SIAE: variants seen among roughly 807,000 people sequenced by gnomAD.
The protein encoded by SIAE is sialate O-acetylesterase.
A neutral mutation model predicts 52.6 loss-of-function variants in SIAE; 39 were observed. That is an observed-to-expected ratio of 0.74 (90% CI 0.57 to 0.97). SIAE has a LOEUF of 0.97. Among genes scored for constraint, SIAE ranks in the 50% least tolerant of loss-of-function variants. SIAE has a pLI of 0.00. For synonymous variants in SIAE, 233 were observed against 241.4 expected (o/e 0.97, Z 0.32); for missense variants, 592 against 662.1 (o/e 0.89, Z 1.16).
intron 8 of SIAE, 43 bp from the exon 9 acceptor site, chr11:124,638,780 A>C: frequency 3.0e-5 from 45 of 1,488,160 alleles, no homozygotes; most frequent in Non-Finnish European, 3.7e-5. Flanking sequence ...GTTTAAGCTC[A>C]ACAATCACCA....
chr11:124,655,357 A>G (rs1303452241), intron 3 of SIAE, among the ~76,000 whole-genome samples: 1 of 152,108 alleles, frequency 6.6e-6, no homozygotes, highest in Non-Finnish European at 1.5e-5. Context: ...TTATATTTTT[A>G]GTAGAGACGG....
intron 1 of SIAE, among the ~76,000 whole-genome samples, chr11:124,672,599 T>C (rs1486652289): frequency 6.6e-6 from 1 of 152,190 alleles, no homozygotes; most frequent in African/African-American, 2.4e-5. Context: ...ATACTGACAC[T>C]AAAATAAACA....
chr11:124,672,069 C>A (rs1222188618), intron 1 of SIAE, among the ~76,000 whole-genome samples: 1 of 151,674 alleles, frequency 6.6e-6, no homozygotes, highest in Non-Finnish European at 1.5e-5. Context: ...AGCCACCGCG[C>A]CTGGCCAATT....
chr11:124,654,926 G>A (rs1408644041), intron 3 of SIAE, 133 bp from the exon 4 acceptor site: 4 of 998,068 alleles, frequency 4.0e-6, no homozygotes, highest in Non-Finnish European at 6.3e-6. Flanking sequence ...AAACCAATGG[G>A]CTGCACTGAA....
intron 7 of SIAE, among the ~76,000 whole-genome samples, chr11:124,641,959 CAA>C (rs11327177): frequency 2.6e-5 from 1 of 39,214 alleles, no homozygotes; most frequent in African/African-American, 8.6e-5. Context: ...GACTCCATCT[CAA>C]AAAAAAAAAA....
At chr11:124,659,114 T>G (rs1943144703) in intron 3 of SIAE, 1 of 152,226 alleles carries the variant, frequency 6.6e-6, no homozygotes, top group African/African-American at 2.4e-5. Context: ...GGGTAAATTC[T>G]AGGCAGAGAA....
chr11:124,658,221 C>T (rs528338509), intron 3 of SIAE, among the ~76,000 whole-genome samples: 3 of 150,334 alleles, frequency 2.0e-5, no homozygotes, highest in African/African-American at 5.0e-5. Context: ...GCAAAGCATG[C>T]GTGTGAGTGT....
chr11:124,647,551 C>G, intron 6 of SIAE, 53 bp from the exon 7 acceptor site: 1 of 1,602,128 alleles, frequency 6.2e-7, no homozygotes, highest in Middle Eastern at 1.7e-4. Context: ...CAAAAATGAC[C>G]ACACATTACT....
At chr11:124,651,354 T>C (rs1359742868) in intron 4 of SIAE, among the ~76,000 whole-genome samples, 2 of 152,086 alleles carry the variant, frequency 1.3e-5, no homozygotes, top group African/African-American at 4.8e-5. Context: ...GAGACCAGCC[T>C]GACCAACGTG....
chr11:124,654,421 A>C, intron 4 of SIAE: 2 of 985,440 alleles, frequency 2.0e-6, no homozygotes, highest in Non-Finnish European at 2.4e-6. Flanking sequence ...TGATATTTTC[A>C]CTGAAGATGT....
intron 5 of SIAE, among the ~76,000 whole-genome samples, chr11:124,649,278 T>G (rs901362576): frequency 6.6e-6 from 1 of 151,078 alleles, no homozygotes; most frequent in Admixed American, 6.6e-5. Flanking sequence ...GTCTTTAATA[T>G]CTACACTTCA....
intron 4 of SIAE, among the ~76,000 whole-genome samples, chr11:124,651,346 G>C (rs1943013223): frequency 6.6e-6 from 1 of 152,082 alleles, no homozygotes; most frequent in Non-Finnish European, 1.5e-5. Flanking sequence ...AGGAGTTCGA[G>C]ACCAGCCTGA....
intron 2 of SIAE, among the ~76,000 whole-genome samples, chr11:124,663,314 C>A (rs1032091591): frequency 6.6e-6 from 1 of 151,366 alleles, no homozygotes; most frequent in Non-Finnish European, 1.5e-5. Flanking sequence ...CAGTGGCTTG[C>A]GCCTGTAATC....
At chr11:124,656,294 G>A (rs80299752) in intron 3 of SIAE, among the ~76,000 whole-genome samples, 1,614 of 152,274 alleles carry the variant, frequency 0.011, 40 homozygotes, top group African/African-American at 0.036. Context: ...ATCCATGGCT[G>A]GTTGAATCTG....
rs905643653 is a variant in SIAE at position 124,645,298 on chromosome 11, G to A, written c.966+2067C>T. ...TGTAAGGCATAAGTACAAGAATCAG[G>A]TCTTTCTGATTGCTATATTTCTTTT... is the stretch of plus-strand genomic sequence containing the variant. On this transcript the variant is annotated intron_variant, in intron 7 of 9. Coordinates refer to ENST00000263593, the MANE Select transcript of SIAE (RefSeq NM_170601.5). The surrounding 1 kb of genome is among the most constrained non-coding windows in gnomAD (Gnocchi z 4.7). Among the ~76,000 whole-genome samples, 1 of 151,956 alleles carries A rather than the reference G, an allele frequency of 6.6e-6. No individual in the cohort carries two copies. Among genetic ancestry groups the A allele is most frequent in the Non-Finnish European group, 1.5e-5 (1 of 67,986 alleles).
chr11:124,638,731 G>A lies in SIAE; in HGVS notation c.1131C>T (p.His377=). ...CDRDSPFGSI[H]PRDKQTVAYR... is the part of the protein sequence containing the mutation. ...AAGCCACAGTCTGTTTATCTCGAGG[G>A]TGGATGCTACAGGATAAGGAACAAG... The change falls in exon 9 of 10, where the codon CAC becomes CAT. Residue 377 remains histidine, a synonymous_variant. Coordinates refer to ENST00000263593, the MANE Select transcript of SIAE (RefSeq NM_170601.5). 6.2e-7 allele frequency: 1 copy of A among 1,613,850 alleles called. No homozygotes were observed. The highest frequency in any genetic ancestry group is 8.5e-7 in the Non-Finnish European group (1 of 1,179,936).
Position 124,636,584 on chromosome 11 carries a change from A to G in SIAE, c.*367T>C, listed in dbSNP as rs897821782. ...AGAACACATGAACACTAGCTGGCCT[A>G]TGTGGCCTTTAAAATCTCTTCCAAT... On this transcript the variant is annotated 3_prime_UTR_variant, in exon 10 of 10. Coordinates refer to ENST00000263593, the MANE Select transcript of SIAE (RefSeq NM_170601.5). The G allele has an allele frequency of 3.1e-6, 1 of 323,646 alleles. No homozygotes were observed. The highest frequency in any genetic ancestry group is 6.0e-6 in the Non-Finnish European group (1 of 167,550). The allele number at this position is 323,646 out of a possible 1,614,324, so 20.0% of individuals were successfully genotyped here. A position where few individuals can be genotyped will look rare whatever the true frequency, so the allele number is the denominator to read the frequency against.
chr11:124,640,021 C>T (rs1324564741), intron 7 of SIAE, among the ~76,000 whole-genome samples, 154 bp from the exon 8 acceptor site: 1 of 152,186 alleles, frequency 6.6e-6, no homozygotes, highest in African/African-American at 2.4e-5. Flanking sequence ...AGTGTCTCTC[C>T]AAAGACAGCT....
chr11:124,657,810 G>C (rs1243089539), intron 3 of SIAE, among the ~76,000 whole-genome samples: 1 of 152,152 alleles, frequency 6.6e-6, no homozygotes, highest in Non-Finnish European at 1.5e-5. Context: ...AGGCCTTTTT[G>C]ATGAAAGCAT....
Sources: gnomAD v4.1 joint callset for allele counts (sites outside exome capture counted in the v4.1 genomes callset) on GRCh38, gnomAD v4.1.1 for gene constraint, Gnocchi (gnomAD v3.1) non-coding constraint, MANE v1.5 for transcripts, NCBI Gene and HGNC (gene_info 2026-07-23, HGNC 2026-07-21) for gene names.